KDM5B: variants seen among roughly 807,000 people sequenced by gnomAD.
The protein encoded by KDM5B is lysine-specific demethylase 5B.
KDM5B carries 144 observed loss-of-function variants against 193.4 expected under a neutral mutation model. The ratio of observed to expected loss-of-function variants is 0.74; its 90% CI spans 0.65 to 0.86. The LOEUF (loss-of-function observed/expected upper bound fraction) is 0.86. Among genes scored for constraint, KDM5B ranks in the 40% least tolerant of loss-of-function variants. The pLI, the probability that KDM5B is intolerant of heterozygous loss-of-function variation, is 0.00. For missense variants in KDM5B, 1,833 were observed against 1,886.9 expected, an observed-to-expected ratio of 0.97 and a Z score of 0.53; for synonymous variants, 668 against 682.6, an observed-to-expected ratio of 0.98 and a Z score of 0.33.
intron 14 of KDM5B, 59 bp from the exon 15 acceptor site, chr1:202,746,382 G>T: frequency 1.0e-6 from 1 of 992,268 alleles, no homozygotes. Context: ...ACCAGCCCAA[G>T]ACAAACATGC....
chr1:202,748,523 A>AC (rs397816074), intron 14 of KDM5B, among the ~76,000 whole-genome samples: 5 of 151,446 alleles, frequency 3.3e-5, no homozygotes, highest in African/African-American at 9.7e-5. Flanking sequence ...AAAAAAAAAA[A>AC]CTGGTATGCA....
At chr1:202,733,913 G>A in intron 22 of KDM5B, 27 bp from the exon 23 acceptor site, 2 of 1,579,672 alleles carry the variant, frequency 1.3e-6, no homozygotes, top group East Asian at 4.5e-5. Flanking sequence ...AATCAAGGAT[G>A]ATGTCCGAGA....
chr1:202,756,490 T>C lies in KDM5B; in HGVS notation c.1224A>G (p.Lys408=). ...VHMVPTELVE[K]EFWRLVSTIE... is the part of the protein sequence containing the mutation. ...TAGTGCTTACTAGTCTCCAAAATTC[T>C]TTCTCAACAAGCTCTGTGGGGACCA... is the stretch of plus-strand genomic sequence containing the variant. Residue 408 remains lysine, a synonymous_variant, in exon 10 of 27, where the codon AAA becomes AAG. Coordinates refer to ENST00000367265, the MANE Select transcript of KDM5B (RefSeq NM_006618.5). The C allele has an allele frequency of 6.2e-7, 1 of 1,608,002 alleles. No homozygotes were observed. Among genetic ancestry groups the C allele is most frequent in the Non-Finnish European group, 8.5e-7 (1 of 1,177,532 alleles).
chr1:202,770,128 T>C (rs1412126741), intron 4 of KDM5B, among the ~76,000 whole-genome samples: 1 of 152,226 alleles, frequency 6.6e-6, no homozygotes. Flanking sequence ...AGCTTTATTA[T>C]TTTGTTCCAA....
intron 19 of KDM5B, 93 bp from the exon 20 acceptor site, chr1:202,740,905 A>G (rs1655311606): frequency 5.5e-6 from 7 of 1,279,600 alleles, no homozygotes; most frequent in Non-Finnish European, 7.6e-6. Context: ...AAGGAAATTC[A>G]GTATGGCAAA....
In KDM5B at chr1:202,740,787, C is replaced by G; in HGVS notation, c.2971G>C (p.Ala991Pro). Residue 991 changes from alanine (A) to proline (P), a missense_variant, in exon 20 of 27, where the codon GCT (alanine) becomes CCT (proline). Ala to Pro is a conservative substitution (Grantham distance 27). Coordinates refer to ENST00000367265, the MANE Select transcript of KDM5B (RefSeq NM_006618.5). ...ARPRHSLNSL[A>P]TAVKEIEEIP... ...TCTTCGATTTCCTTTACTGCCGTAG[C>G]AAGGCTATTCAATGAATGTCGTGGC... 6.2e-7 allele frequency: 1 copy of G among 1,612,252 alleles called. No homozygotes were observed. The highest frequency in any genetic ancestry group is 1.1e-5 in the South Asian group (1 of 90,978).
chr1:202,776,379 CAT>C (rs1656956606), intron 2 of KDM5B, among the ~76,000 whole-genome samples: 1 of 152,120 alleles, frequency 6.6e-6, no homozygotes, highest in South Asian at 2.1e-4. Context: ...AGCACAATTC[CAT>C]ATAAGTGTTT....
chr1:202,771,255 T>G (rs1656702954), intron 4 of KDM5B, among the ~76,000 whole-genome samples: 1 of 152,214 alleles, frequency 6.6e-6, no homozygotes, highest in African/African-American at 2.4e-5. Flanking sequence ...AGTCTCATTC[T>G]GAGTCTCATT....
chr1:202,796,834 G>A (rs1657867511), intron 1 of KDM5B: 1 of 153,480 alleles, frequency 6.5e-6, no homozygotes, highest in African/African-American at 2.4e-5. Flanking sequence ...TGGCTACAGT[G>A]CTGACCCTAA....
At chr1:202,806,498 G>C (rs1377720211) in intron 1 of KDM5B, 2 of 152,338 alleles carry the variant, frequency 1.3e-5, no homozygotes, top group East Asian at 3.9e-4. Context: ...CCCTTAAGCA[G>C]CAAGAATCAA....
chr1:202,803,188 AT>A (rs919553109), intron 1 of KDM5B, among the ~76,000 whole-genome samples: 61 of 152,198 alleles, frequency 4.0e-4, no homozygotes, highest in African/African-American at 1.4e-3. Flanking sequence ...CTGGCTTTTA[AT>A]AGAGAATGTT....
intron 14 of KDM5B, 64 bp from the exon 15 acceptor site, chr1:202,746,387 A>C: frequency 2.5e-5 from 26 of 1,040,002 alleles, no homozygotes; most frequent in African/African-American, 3.2e-5. Context: ...CCCAAGACAA[A>C]CATGCAGTAG....
intron 23 of KDM5B, 42 bp from the exon 24 acceptor site, chr1:202,731,981 T>C: frequency 7.7e-7 from 1 of 1,305,254 alleles, no homozygotes; most frequent in Non-Finnish European, 1.1e-6. Context: ...CTCTTCAGGA[T>C]TAAAAATACT....
chr1:202,734,919 C>A (rs547534649), intron 22 of KDM5B, among the ~76,000 whole-genome samples: 22 of 152,140 alleles, frequency 1.4e-4, no homozygotes, highest in African/African-American at 5.3e-4. Flanking sequence ...ACATAGCTAT[C>A]CCTTTTTTAT....
chr1:202,732,266 G>T (rs918154491), intron 23 of KDM5B: 2 of 247,270 alleles, frequency 8.1e-6, no homozygotes, highest in Non-Finnish European at 1.5e-5. Context: ...TCTCCTTATT[G>T]AAGATTAAAA....
Position 202,750,725 on chromosome 1 carries a change from G to C in KDM5B, c.1755C>G (p.Ala585=). 1 of 1,613,900 alleles carries C rather than the reference G, an allele frequency of 6.2e-7. No homozygotes were observed. The highest frequency in any genetic ancestry group is 8.5e-7 in the Non-Finnish European group (1 of 1,179,788). Residue 585 remains alanine, a synonymous_variant, in exon 13 of 27, where the codon GCC becomes GCG. Coordinates refer to ENST00000367265, the MANE Select transcript of KDM5B (RefSeq NM_006618.5). ...AGEFVITFPR[A]YHSGFNQGFN... is the part of the protein sequence containing the mutation. ...AACCCTGGTTAAAACCACTGTGGTA[G>C]GCTCTTGGAAATGTAATCACAAACT...
chr1:202,739,370 T>C (rs1655213191), intron 20 of KDM5B, among the ~76,000 whole-genome samples: 1 of 151,832 alleles, frequency 6.6e-6, no homozygotes, highest in Non-Finnish European at 1.5e-5. Context: ...AGTCTTCTGG[T>C]CAACCCCTAA....
chr1:202,730,132 A>G (rs1018492328), intron 25 of KDM5B, 105 bp from the exon 26 acceptor site: 3 of 998,866 alleles, frequency 3.0e-6, no homozygotes, highest in South Asian at 1.7e-5. Flanking sequence ...TGATCCCCCA[A>G]TCTACACGGG....
intron 21 of KDM5B, 80 bp from the exon 22 acceptor site, chr1:202,735,667 T>C: frequency 3.0e-6 from 4 of 1,340,168 alleles, no homozygotes; most frequent in Middle Eastern, 1.9e-4. Flanking sequence ...AATAAAAGCC[T>C]AAGCAGTAAA....
Sources: gnomAD v4.1 joint callset for allele counts (sites outside exome capture counted in the v4.1 genomes callset) on GRCh38, gnomAD v4.1.1 for gene constraint, MANE v1.5 for transcripts, NCBI Gene and HGNC (gene_info 2026-07-23, HGNC 2026-07-21) for gene names.